Variants in PCGF5 observed in about 807,000 individuals in gnomAD.
The protein encoded by PCGF5 is polycomb group ring finger 5.
A neutral mutation model predicts 44.3 loss-of-function variants in PCGF5; 9 were observed. The ratio of observed to expected loss-of-function variants is 0.20; its 90% confidence interval spans 0.12 to 0.35. PCGF5 has a LOEUF of 0.35. PCGF5 is among the 10% of genes least tolerant of loss of function. The probability of loss-of-function intolerance (pLI) is 1.00; values close to 1 mark genes in which losing one functional copy is unlikely to be tolerated. For synonymous variants in PCGF5, 95 were observed against 102.5 expected (o/e 0.93, Z 0.44); for missense variants, 146 against 305.3 (o/e 0.48, Z 3.89).
chr10:91,179,573 C>T (rs1430783808), intron 1 of PCGF5, among the ~76,000 whole-genome samples: 3 of 152,150 alleles, frequency 2.0e-5, no homozygotes, highest in Admixed American at 2.0e-4. Context: ...TCATTTAGCT[C>T]CCACTTAAAA....
At chr10:91,179,975 A>G (rs1009236124) in intron 1 of PCGF5, among the ~76,000 whole-genome samples, 3 of 152,160 alleles carry the variant, frequency 2.0e-5, no homozygotes, top group African/African-American at 7.2e-5. Context: ...AATAATATAT[A>G]ACATTTCTTT....
In PCGF5 at chr10:91,281,925, A is replaced by G. The variant is rs1203482949; in HGVS notation, c.*3609A>G. 7.9e-5 allele frequency: 12 copies of G among 152,220 alleles called. No individual in the cohort carries two copies. Among genetic ancestry groups the G allele is most frequent in the African/African-American group, 2.9e-4 (12 of 41,460 alleles). The allele number at this position is 152,220 out of a possible 1,614,324, so 9.4% of individuals were successfully genotyped here. The stretch of plus-strand genomic sequence containing the variant: ...ATAGCCTTCCTCTGCATGAAAAGTG[A>G]GAGAAATACATACTTTGAAAAGAAA... On this transcript the variant is annotated 3_prime_UTR_variant, in exon 10 of 10. Transcript: ENST00000336126.
chr10:91,282,792 A>C lies in PCGF5; in HGVS notation c.*4476A>C, dbSNP rs1014514357. ...GGAATTTTCCAGAAAGCTAAGCTTT[A>C]TACTAATAAGATATTGGTTGGTAGT... On this transcript the variant is annotated 3_prime_UTR_variant, in exon 10 of 10. Coordinates refer to ENST00000336126, the MANE Select transcript of PCGF5 (RefSeq NM_032373.5). 3.3e-5 allele frequency: 5 copies of C among 152,652 alleles called. No homozygotes were observed. Among genetic ancestry groups the C allele is most frequent in the African/African-American group, 1.2e-4 (5 of 41,446 alleles). 9.5% of individuals were successfully genotyped at this position (152,652 alleles called of 1,614,324 possible). A position where few individuals can be genotyped will look rare whatever the true frequency, so the allele number is the denominator to read the frequency against.
intron 2 of PCGF5, among the ~76,000 whole-genome samples, chr10:91,228,603 A>C (rs777447783): frequency 6.6e-6 from 1 of 152,228 alleles, no homozygotes; most frequent in Non-Finnish European, 1.5e-5. Flanking sequence ...ATGTGGTAAT[A>C]TGTAAGAAGG....
intron 2 of PCGF5, among the ~76,000 whole-genome samples, chr10:91,239,599 G>T (rs1274291746): frequency 6.6e-6 from 1 of 152,176 alleles, no homozygotes; most frequent in Non-Finnish European, 1.5e-5. Context: ...CGGGGTAATA[G>T]AATGGAGGAG....
chr10:91,241,739 C>T (rs1205040733), intron 3 of PCGF5, among the ~76,000 whole-genome samples: 32 of 151,602 alleles, frequency 2.1e-4, no homozygotes, highest in Non-Finnish European at 2.9e-5. Context: ...TCATAACTCT[C>T]TTATCTGTGT....
intron 1 of PCGF5, among the ~76,000 whole-genome samples, chr10:91,177,598 A>G (rs1372515597): frequency 6.6e-6 from 1 of 152,218 alleles, no homozygotes; most frequent in Non-Finnish European, 1.5e-5. Flanking sequence ...CTCAAGCCTC[A>G]GCAATGGTGG....
chr10:91,275,284 A>G (rs962317196), intron 9 of PCGF5, among the ~76,000 whole-genome samples: 3 of 151,234 alleles, frequency 2.0e-5, no homozygotes, highest in Non-Finnish European at 4.4e-5. Flanking sequence ...AAAAATGATT[A>G]ACTTTCTTAG....
In PCGF5 at chr10:91,281,598, A is replaced by G. The variant is rs2133486868; in HGVS notation, c.*3282A>G. The G allele has an allele frequency of 6.5e-6, 1 of 152,750 alleles. No individual in the cohort carries two copies. Among genetic ancestry groups the G allele is most frequent in the South Asian group, 2.1e-4 (1 of 4,828 alleles). The allele number at this position is 152,750 out of a possible 1,614,324, so 9.5% of individuals were successfully genotyped here. The stretch of plus-strand genomic sequence containing the variant: ...TTTTCATAAGAATATAGATATCACC[A>G]AAGACATTTTACAGTAAATTAATAA... On this transcript the variant is annotated 3_prime_UTR_variant, in exon 10 of 10. Coordinates refer to ENST00000336126, the MANE Select transcript of PCGF5 (RefSeq NM_032373.5).
chr10:91,176,991 A>G (rs1006155394), intron 1 of PCGF5, among the ~76,000 whole-genome samples: 2 of 152,188 alleles, frequency 1.3e-5, no homozygotes, highest in African/African-American at 4.8e-5. Flanking sequence ...CCTGATTTTT[A>G]GAATTTTCAG....
At chr10:91,159,724 G>A (rs1205959510), upstream of PCGF5, among the ~76,000 whole-genome samples, 1 of 152,172 alleles carries the variant, frequency 6.6e-6, no homozygotes, top group Non-Finnish European at 1.5e-5. Context: ...ACCCACTGAA[G>A]TAGATTCTAT....
upstream of PCGF5, among the ~76,000 whole-genome samples, chr10:91,160,845 G>A (rs934952338): frequency 6.6e-6 from 1 of 152,204 alleles, no homozygotes; most frequent in Non-Finnish European, 1.5e-5. Flanking sequence ...GCTGCACTGC[G>A]GAATCCGGCC....
chr10:91,206,393 A>G (rs896603930), intron 1 of PCGF5, among the ~76,000 whole-genome samples: 2 of 152,188 alleles, frequency 1.3e-5, no homozygotes, highest in Non-Finnish European at 2.9e-5. Context: ...TTTAATCTCA[A>G]AAACCAAAGA....
At chr10:91,260,322 G>A (rs1162746396) in intron 6 of PCGF5, among the ~76,000 whole-genome samples, 2 of 152,302 alleles carry the variant, frequency 1.3e-5, no homozygotes, top group Middle Eastern at 3.4e-3. Context: ...AGGTGCTGGA[G>A]AGGATGTGAA....
intron 6 of PCGF5, among the ~76,000 whole-genome samples, chr10:91,260,638 T>G (rs910571334): frequency 3.3e-5 from 5 of 152,196 alleles, no homozygotes; most frequent in African/African-American, 1.2e-4. Context: ...CCATAAAAAA[T>G]GATGTGTTCG....
chr10:91,200,708 A>G (rs1195535132), intron 1 of PCGF5, among the ~76,000 whole-genome samples: 1 of 152,132 alleles, frequency 6.6e-6, no homozygotes, highest in Non-Finnish European at 1.5e-5. Flanking sequence ...GGGCCTTTCT[A>G]GTGGGCAATC....
At chr10:91,268,459 A>G (rs1007995633) in intron 8 of PCGF5, among the ~76,000 whole-genome samples, 11 of 152,050 alleles carry the variant, frequency 7.2e-5, no homozygotes, top group Non-Finnish European at 1.2e-4. Context: ...ATATTTCTAG[A>G]TTGATTTGGC....
At chr10:91,185,742 C>T (rs549245517) in intron 1 of PCGF5, among the ~76,000 whole-genome samples, 47 of 152,274 alleles carry the variant, frequency 3.1e-4, no homozygotes, top group South Asian at 2.5e-3. Flanking sequence ...TCTCCTGACC[C>T]GGGAGTTGCA....
At chr10:91,177,100 C>T (rs1304305735) in intron 1 of PCGF5, among the ~76,000 whole-genome samples, 2 of 152,194 alleles carry the variant, frequency 1.3e-5, no homozygotes, top group Non-Finnish European at 2.9e-5. Context: ...GATGTCCTTT[C>T]TGTTTGTTAG....
Sources: gnomAD v4.1 joint callset for allele counts (sites outside exome capture counted in the v4.1 genomes callset) on GRCh38, gnomAD v4.1.1 for gene constraint, MANE v1.5 for transcripts, NCBI Gene and HGNC (gene_info 2026-07-23, HGNC 2026-07-21) for gene names.